ZNF827: variants seen among roughly 807,000 people sequenced by gnomAD.
ZNF827 encodes the protein zinc finger protein 827.
ZNF827 carries 13 observed loss-of-function variants against 102.4 expected under a neutral mutation model. The ratio of observed to expected loss-of-function variants is 0.13; its 90% CI spans 0.08 to 0.20. ZNF827 has a LOEUF of 0.20. Among genes scored for constraint, ZNF827 ranks in the 10% least tolerant of loss-of-function variants. The pLI, the probability that ZNF827 is intolerant of heterozygous loss-of-function variation, is 1.00. For synonymous variants in ZNF827, 523 were observed against 536.2 expected (o/e 0.98, Z 0.34); for missense variants, 1,103 against 1,344.4 (o/e 0.82, Z 2.81).
intron 7 of ZNF827, 29 bp from the exon 8 acceptor site, chr4:145,823,554 A>T: frequency 1.3e-6 from 2 of 1,503,826 alleles, no homozygotes; most frequent in Non-Finnish European, 1.9e-6. Flanking sequence ...AGTGAAGTTT[A>T]GTAAATTAAA....
Position 145,886,039 on chromosome 4 carries a change from T to G in ZNF827, c.1386A>C (p.Glu462Asp). 6.2e-7 allele frequency: 1 copy of G among 1,614,210 alleles called. No homozygotes were observed. Among genetic ancestry groups the G allele is most frequent in the South Asian group, 1.1e-5 (1 of 91,084 alleles). ...CTGGGATCTCCTCCTTCACCTTGGC[T>G]TCTGTCCTCAGGAAGTGCTGATGGC... ...MRCHQHFLRT[E>D]AKVKEEIPDP... Residue 462 changes from glutamate to aspartate, a missense_variant, in exon 4 of 15, where the codon GAA becomes GAC. By Grantham distance (45) the Glu-to-Asp change is conservative (BLOSUM62 2). Around this residue, in one of 5 missense-constraint regions of ZNF827, gnomAD observed 157 missense variants for 211.7 expected, o/e 0.74. Transcript: ENST00000508784.
intron 4 of ZNF827, among the ~76,000 whole-genome samples, chr4:145,873,215 G>GT (rs1216574817): frequency 6.6e-6 from 1 of 152,098 alleles, no homozygotes; most frequent in Non-Finnish European, 1.5e-5. Context: ...GATTATAGGC[G>GT]TGAGCCGACA....
At chr4:145,815,482 C>T (rs779921405) in intron 8 of ZNF827, among the ~76,000 whole-genome samples, 2 of 152,122 alleles carry the variant, frequency 1.3e-5, no homozygotes, top group Non-Finnish European at 2.9e-5. Context: ...TTCTTTACCA[C>T]AGAGAGGCAC....
chr4:145,878,983 A>C (rs1296605185), intron 4 of ZNF827, among the ~76,000 whole-genome samples: 1 of 152,000 alleles, frequency 6.6e-6, no homozygotes, highest in Non-Finnish European at 1.5e-5. Context: ...TGAAAATTTC[A>C]GTACAATTTT....
At chr4:145,926,223 G>A (rs1434024919) in intron 1 of ZNF827, among the ~76,000 whole-genome samples, 1 of 152,156 alleles carries the variant, frequency 6.6e-6, no homozygotes, top group East Asian at 1.9e-4. Context: ...CACAAGCTGA[G>A]AATTTAGGAT....
At chr4:145,865,057 A>G (rs986613223) in intron 5 of ZNF827, among the ~76,000 whole-genome samples, 1 of 152,226 alleles carries the variant, frequency 6.6e-6, no homozygotes, top group African/African-American at 2.4e-5. Context: ...TGTTTAGAAG[A>G]GTCTCCAACA....
chr4:145,912,765 C>A (rs916192001), intron 1 of ZNF827, among the ~76,000 whole-genome samples: 1 of 152,214 alleles, frequency 6.6e-6, no homozygotes, highest in Non-Finnish European at 1.5e-5. Flanking sequence ...CCTTCCCTAC[C>A]GCCTTCAGAG....
Position 145,885,952 on chromosome 4 carries a change from T to A in ZNF827, c.1473A>T (p.Glu491Asp), listed in dbSNP as rs769273873. Reference protein sequence around the residue: ...SDSACLGQQREGGGTELVGTM... With the variant: ...SDSACLGQQRDGGGTELVGTM... ...TCCCCACTAGCTCTGTCCCTCCTCC[T>A]TCCCTTTGCTGCCCCAGGCAGGCAC... is the stretch of plus-strand genomic sequence containing the variant. Residue 491 changes from glutamate to aspartate, a missense_variant, in exon 4 of 15, where the codon GAA becomes GAT. Glu to Asp is a conservative substitution (Grantham distance 45). Around this residue, in one of 5 missense-constraint regions of ZNF827, gnomAD observed 157 missense variants for 211.7 expected, o/e 0.74. Transcript: ENST00000508784. 2 of 1,614,130 alleles carry A rather than the reference T, an allele frequency of 1.2e-6. No homozygotes were observed. The highest frequency in any genetic ancestry group is 1.7e-6 in the Non-Finnish European group (2 of 1,180,006).
chr4:145,883,585 C>T (rs1165105107), intron 4 of ZNF827, among the ~76,000 whole-genome samples: 4 of 152,142 alleles, frequency 2.6e-5, no homozygotes, highest in Admixed American at 6.5e-5. Context: ...AGAGCTGAGC[C>T]CAGCAGAAGC....
chr4:145,769,157 A>G (rs1735866516), intron 11 of ZNF827, among the ~76,000 whole-genome samples: 1 of 151,828 alleles, frequency 6.6e-6, no homozygotes, highest in South Asian at 2.1e-4. Flanking sequence ...TCAGTTCACA[A>G]TTTTAAAAAT....
At chr4:145,813,731 G>T (rs1742285945) in intron 8 of ZNF827, among the ~76,000 whole-genome samples, 1 of 152,234 alleles carries the variant, frequency 6.6e-6, no homozygotes, top group Admixed American at 6.5e-5. Flanking sequence ...AGCCCCCCTT[G>T]CCGGCAGTGG....
chr4:145,817,308 T>C (rs751656072), intron 8 of ZNF827, among the ~76,000 whole-genome samples: 2 of 152,302 alleles, frequency 1.3e-5, no homozygotes, highest in East Asian at 1.9e-4. Flanking sequence ...TGCTAGCATA[T>C]AGTTTTGGCC....
chr4:145,779,589 A>G (rs1737649997), intron 8 of ZNF827, 78 bp from the exon 9 acceptor site: 1 of 1,547,258 alleles, frequency 6.5e-7, no homozygotes, highest in Non-Finnish European at 8.7e-7. Context: ...TCAGGATTTC[A>G]GCAGAGCCTT....
chr4:145,782,565 T>A (rs1323654518), intron 8 of ZNF827, among the ~76,000 whole-genome samples: 2 of 152,224 alleles, frequency 1.3e-5, no homozygotes, highest in Non-Finnish European at 2.9e-5. Context: ...TGTGTCATCA[T>A]CTTTCACCAA....
chr4:145,776,025 A>C, intron 9 of ZNF827, 65 bp from the exon 10 acceptor site: 1 of 1,581,726 alleles, frequency 6.3e-7, no homozygotes, highest in South Asian at 1.1e-5. Flanking sequence ...AACACCTTGC[A>C]AGAATCAGTT....
chr4:145,808,242 A>G (rs1329701076), intron 8 of ZNF827, among the ~76,000 whole-genome samples: 3 of 152,158 alleles, frequency 2.0e-5, no homozygotes, highest in Non-Finnish European at 4.4e-5. Flanking sequence ...TCCATACTCT[A>G]ACAAAGACAG....
chr4:145,827,830 C>T (rs1743835926), intron 7 of ZNF827, among the ~76,000 whole-genome samples: 1 of 152,226 alleles, frequency 6.6e-6, no homozygotes, highest in Admixed American at 6.5e-5. Flanking sequence ...GAAGACACTC[C>T]ATGTGTAACT....
At chr4:145,906,279 T>A (rs1751865168) in intron 1 of ZNF827, among the ~76,000 whole-genome samples, 1 of 152,196 alleles carries the variant, frequency 6.6e-6, no homozygotes, top group Non-Finnish European at 1.5e-5. Flanking sequence ...TCCCCCATCC[T>A]TCCTGCCAAC....
chr4:145,776,745 C>G (rs532059531), intron 9 of ZNF827, among the ~76,000 whole-genome samples: 2 of 151,726 alleles, frequency 1.3e-5, no homozygotes. Flanking sequence ...TGGCCTGGGT[C>G]GGCCAAGAAA....
Sources: gnomAD v4.1 joint callset for allele counts (sites outside exome capture counted in the v4.1 genomes callset) on GRCh38, gnomAD v4.1.1 for gene constraint, gnomAD v4.1.1 regional missense constraint, MANE v1.5 for transcripts, NCBI Gene and HGNC (gene_info 2026-07-23, HGNC 2026-07-21) for gene names.